COL25A1: variants seen among roughly 807,000 people sequenced by gnomAD.
COL25A1 encodes collagen type XXV alpha 1 chain.
Under a neutral mutation model 128.4 loss-of-function variants are expected in COL25A1, and 103 were observed. The ratio of observed to expected loss-of-function variants is 0.80; its 90% confidence interval spans 0.68 to 0.94. The LOEUF (loss-of-function observed/expected upper bound fraction) is 0.94. Ranked by LOEUF, COL25A1 falls within the 40% of genes least tolerant of loss-of-function variation. COL25A1 has a pLI of 0.00. For synonymous variants in COL25A1, 279 were observed against 277.2 expected, an observed-to-expected ratio of 1.01 and a Z score of -0.06; for missense variants, 745 against 840.0, an observed-to-expected ratio of 0.89 and a Z score of 1.40.
rs569886534 is a variant in COL25A1 at position 109,201,675 on chromosome 4, G to C, written c.367+98908C>G. On this transcript the variant is annotated intron_variant, in intron 3 of 37. Coordinates refer to ENST00000399132, the MANE Select transcript of COL25A1 (RefSeq NM_198721.4). Reference sequence around the variant, plus strand: ...AAGGAAAGGATATAAGAGGCATATAGACTGGGAAGGAAAACTTACAACTGT... The same window carrying C: ...AAGGAAAGGATATAAGAGGCATATACACTGGGAAGGAAAACTTACAACTGT... Among the ~76,000 whole-genome samples, 6 of 152,248 alleles carry C rather than the reference G, an allele frequency of 3.9e-5. No individual in the cohort carries two copies. In the East Asian group the frequency reaches 1.2e-3, roughly 29 times the overall value.
intron 6 of COL25A1, among the ~76,000 whole-genome samples, chr4:108,995,931 C>T (rs1343265815): frequency 1.3e-5 from 2 of 152,106 alleles, no homozygotes; most frequent in Non-Finnish European, 2.9e-5. Flanking sequence ...GAGATTTTGT[C>T]ACCACCAGGC....
chr4:108,858,059 A>G (rs985414005), intron 24 of COL25A1, among the ~76,000 whole-genome samples: 3 of 152,174 alleles, frequency 2.0e-5, no homozygotes, highest in African/African-American at 7.2e-5. Flanking sequence ...AAAGGAGGAG[A>G]CTTGTATGGA....
intron 3 of COL25A1, among the ~76,000 whole-genome samples, chr4:109,191,875 C>T (rs1440982229): frequency 6.6e-6 from 1 of 152,184 alleles, no homozygotes; most frequent in East Asian, 1.9e-4. Flanking sequence ...GGAATTTACA[C>T]ACTGATACCA....
At chr4:109,168,052 G>A (rs2126127612) in intron 3 of COL25A1, among the ~76,000 whole-genome samples, 1 of 152,262 alleles carries the variant, frequency 6.6e-6, no homozygotes, top group Admixed American at 6.5e-5. Context: ...AGGCTCCTAA[G>A]AAAGAATGAT....
At chr4:109,268,428 G>A (rs188915301) in intron 3 of COL25A1, among the ~76,000 whole-genome samples, 163 of 152,180 alleles carry the variant, frequency 1.1e-3, no homozygotes, top group Non-Finnish European at 1.9e-3. Flanking sequence ...TGCATGCATA[G>A]GACAACCTCT....
intron 5 of COL25A1, among the ~76,000 whole-genome samples, chr4:109,028,276 T>C (rs1758507453): frequency 6.6e-6 from 1 of 152,114 alleles, no homozygotes; most frequent in Admixed American, 6.6e-5. Context: ...ACTCAGCTAA[T>C]TTTCTATTTT....
In COL25A1 at chr4:108,993,860, C is replaced by CAGA. The variant is rs1553994015; in HGVS notation, c.438+16497_438+16498insTCT. On this transcript the variant is annotated intron_variant, in intron 6 of 37. Transcript: ENST00000399132. ...GGGCAGTAAGAGTGAAACTCCATCT[C>CAGA]AAAAAAAAAAAAACAAGAAATTAGG... Among the ~76,000 whole-genome samples the CAGA allele has an allele frequency of 3.0e-5, 4 of 132,804 alleles. No homozygotes were observed. The Admixed American group carries it at 3.1e-4, about 10-fold the overall frequency. 87.1% of individuals were successfully genotyped at this position (132,804 alleles called of 152,430 possible).
intron 31 of COL25A1, among the ~76,000 whole-genome samples, chr4:108,838,592 T>C (rs959319512): frequency 6.6e-6 from 1 of 152,212 alleles, no homozygotes; most frequent in Non-Finnish European, 1.5e-5. Context: ...GACAGGGTTA[T>C]AGACAGATAT....
chr4:108,925,705 C>T (rs566280897), intron 11 of COL25A1, among the ~76,000 whole-genome samples: 8 of 152,142 alleles, frequency 5.3e-5, no homozygotes, highest in East Asian at 3.8e-4. Context: ...TGTCTCAACA[C>T]AGAAATGGCA....
chr4:108,940,614 G>A lies in COL25A1; in HGVS notation c.597C>T (p.Pro199=), dbSNP rs1207848182. The change falls in exon 10 of 38, where the codon CCC becomes CCT. Residue 199 remains proline, a synonymous_variant. Coordinates refer to ENST00000399132, the MANE Select transcript of COL25A1 (RefSeq NM_198721.4). Reference sequence around the variant, plus strand: ...GCCCTCTTGGGCCTGGAGGGCCAGGGGGTCCTGGAGGCCCTGCCTGTCCTT... The same window carrying A: ...GCCCTCTTGGGCCTGGAGGGCCAGGAGGTCCTGGAGGCCCTGCCTGTCCTT... ...GDQGQAGPPG[P]PGPPGPRGPP... The A allele has an allele frequency of 5.0e-6, 8 of 1,607,308 alleles. No homozygotes were observed. Among genetic ancestry groups the A allele is most frequent in the Non-Finnish European group, 6.8e-6 (8 of 1,176,834 alleles).
intron 3 of COL25A1, among the ~76,000 whole-genome samples, chr4:109,262,110 G>A (rs1259144144): frequency 6.6e-6 from 1 of 152,110 alleles, no homozygotes; most frequent in Non-Finnish European, 1.5e-5. Flanking sequence ...GCCTTCATGG[G>A]CCAGCATCAC....
At chr4:109,252,048 A>G (rs1279949620) in intron 3 of COL25A1, among the ~76,000 whole-genome samples, 2 of 152,240 alleles carry the variant, frequency 1.3e-5, no homozygotes, top group African/African-American at 2.4e-5. Flanking sequence ...TTCTTTTGCT[A>G]TAAAGTGAGT....
intron 3 of COL25A1, among the ~76,000 whole-genome samples, chr4:109,220,423 GAC>G (rs1206935776): frequency 2.0e-5 from 3 of 152,112 alleles, no homozygotes; most frequent in Non-Finnish European, 4.4e-5. Flanking sequence ...ATTCAAACTA[GAC>G]ACAAAGACTA....
intron 6 of COL25A1, among the ~76,000 whole-genome samples, chr4:108,994,546 C>A (rs1275261806): frequency 6.6e-6 from 1 of 152,220 alleles, no homozygotes; most frequent in Non-Finnish European, 1.5e-5. Context: ...CATAGGAGAA[C>A]AAAAGGCAGC....
At chr4:108,975,638 T>C (rs1483623428) in intron 6 of COL25A1, among the ~76,000 whole-genome samples, 3 of 152,328 alleles carry the variant, frequency 2.0e-5, no homozygotes, top group Admixed American at 6.5e-5. Flanking sequence ...CAGCGATGTA[T>C]AGAATTTCAG....
At chr4:109,118,773 A>G (rs188762693) in intron 3 of COL25A1, among the ~76,000 whole-genome samples, 1 of 152,156 alleles carries the variant, frequency 6.6e-6, no homozygotes, top group East Asian at 1.9e-4. Context: ...TTAATCCATT[A>G]TTACAGTTGG....
At chr4:109,161,349 A>G (rs1266306561) in intron 3 of COL25A1, among the ~76,000 whole-genome samples, 1 of 152,212 alleles carries the variant, frequency 6.6e-6, no homozygotes, top group Admixed American at 6.5e-5. Flanking sequence ...TGAAATGTCA[A>G]TAGTGCCAAG....
chr4:109,003,093 A>G (rs1050097929), intron 6 of COL25A1, among the ~76,000 whole-genome samples: 4 of 152,184 alleles, frequency 2.6e-5, no homozygotes, highest in African/African-American at 9.6e-5. Context: ...AAGCAATTGC[A>G]ACAAAATCCA....
chr4:108,835,859 G>GTTTTTTTTTTTTTTT (rs1560721327), intron 31 of COL25A1, among the ~76,000 whole-genome samples: 1 of 89,520 alleles, frequency 1.1e-5, no homozygotes, highest in Non-Finnish European at 2.1e-5. Context: ...GCTTACATAC[G>GTTTTTTTTTTTTTTT]TCTTTTTTTT....
Sources: allele counts gnomAD v4.1 joint callset (sites outside exome capture counted in the v4.1 genomes callset), GRCh38; gene constraint gnomAD v4.1.1; transcripts MANE v1.5; gene names NCBI Gene and HGNC (gene_info 2026-07-23, HGNC 2026-07-21).